The following CNIH3 variants were observed in gnomAD, a reference collection of about 807,000 sequenced individuals.
CNIH3 encodes the protein protein cornichon homolog 3.
Under a neutral mutation model 24.1 loss-of-function variants are expected in CNIH3, and 14 were observed. The ratio of observed to expected loss-of-function variants is 0.58; its 90% CI spans 0.38 to 0.91. The LOEUF (loss-of-function observed/expected upper bound fraction) is 0.91, where lower values mean the gene tolerates loss of function less well. Ranked by LOEUF, CNIH3 falls within the 40% of genes least tolerant of loss-of-function variation. The pLI is 0.00. For missense variants in CNIH3, 178 were observed against 196.8 expected, an observed-to-expected ratio of 0.90 and a Z score of 0.57; for synonymous variants, 68 against 73.8, an observed-to-expected ratio of 0.92 and a Z score of 0.40.
intron 1 of CNIH3, among the ~76,000 whole-genome samples, chr1:224,627,070 G>A (rs977324193): frequency 9.2e-5 from 14 of 152,182 alleles, no homozygotes; most frequent in Non-Finnish European, 1.5e-4. Flanking sequence ...GGCTCTTGGT[G>A]TCCAATATAT....
chr1:224,472,158 T>C (rs1676400078), intron 1 of CNIH3, among the ~76,000 whole-genome samples: 1 of 152,228 alleles, frequency 6.6e-6, no homozygotes, highest in Non-Finnish European at 1.5e-5. Flanking sequence ...TTGTTCTTCA[T>C]AGTGGTTGTA....
chr1:224,464,969 G>T (rs1245436563), intron 1 of CNIH3, among the ~76,000 whole-genome samples: 1 of 151,474 alleles, frequency 6.6e-6, no homozygotes, highest in Non-Finnish European at 1.5e-5. Context: ...TTAATTTTTT[G>T]ATTTTTTGTA....
At chr1:224,515,980 A>G (rs1321606220) in intron 1 of CNIH3, 3 of 152,120 alleles carry the variant, frequency 2.0e-5, no homozygotes, top group African/African-American at 4.8e-5. Context: ...TTCTTCTTGT[A>G]CCCTCTGGAT....
At chr1:224,578,690 A>T (rs973408316) in intron 4 of CNIH3, among the ~76,000 whole-genome samples, 1 of 152,054 alleles carries the variant, frequency 6.6e-6, no homozygotes, top group Non-Finnish European at 1.5e-5. Context: ...TTACAGTTTG[A>T]CTCTACAAAA....
chr1:224,573,373 G>A (rs1363562279), intron 4 of CNIH3, among the ~76,000 whole-genome samples: 2 of 152,080 alleles, frequency 1.3e-5, no homozygotes, highest in African/African-American at 2.4e-5. Context: ...CCTTTTTTTG[G>A]AGATGTATGA....
intron 1 of CNIH3, chr1:224,661,261 C>G: frequency 3.3e-6 from 1 of 305,952 alleles, no homozygotes. Flanking sequence ...TCTTTCTTGA[C>G]CATTCTTGAC....
At chr1:224,714,743 C>T (rs1171546004) in intron 3 of CNIH3, among the ~76,000 whole-genome samples, 2 of 152,172 alleles carry the variant, frequency 1.3e-5, no homozygotes, top group African/African-American at 4.8e-5. Flanking sequence ...TCCGTTCATC[C>T]ACCAGTTGAT....
intron 3 of CNIH3, among the ~76,000 whole-genome samples, chr1:224,720,493 T>C (rs5010415): frequency 0.68 from 102,458 of 151,244 alleles, 35,286 homozygotes; most frequent in East Asian, 0.96. Context: ...GAACCCTCTT[T>C]GTTAAGCAGA....
At chr1:224,736,912 T>C (rs1411982594) in intron 5 of CNIH3, among the ~76,000 whole-genome samples, 5 of 152,198 alleles carry the variant, frequency 3.3e-5, no homozygotes, top group Non-Finnish European at 7.3e-5. Flanking sequence ...GTTAGGTTTT[T>C]TCCCTGCAGT....
intron 3 of CNIH3, among the ~76,000 whole-genome samples, chr1:224,610,194 T>A (rs1682619767): frequency 6.6e-6 from 1 of 152,226 alleles, no homozygotes; most frequent in African/African-American, 2.4e-5. Flanking sequence ...GTGTGATAGG[T>A]TCGATGTATT....
At position 224,497,902 on chromosome 1, in the gene CNIH3, T is replaced by A. The variant is rs140266176; in HGVS notation, n.204-17839T>A. 9.2e-5 allele frequency among the ~76,000 whole-genome samples: 14 copies of A among 152,318 alleles called. No homozygotes were observed. The East Asian group carries it at 2.5e-3, about 27-fold the overall frequency. On this transcript the variant is annotated intron_variant and non_coding_transcript_variant, in intron 1 of 5. Coordinates refer to the CNIH3 transcript ENST00000471578. ...GGGTTATAATTCAGCATCTCTTCCATCTGCATGTCTCAAGTGATTAGTATT... is the reference window on the plus strand; with the variant it reads ...GGGTTATAATTCAGCATCTCTTCCAACTGCATGTCTCAAGTGATTAGTATT...
chr1:224,446,524 G>A (rs115778841), intron 1 of CNIH3, among the ~76,000 whole-genome samples: 5 of 152,110 alleles, frequency 3.3e-5, no homozygotes, highest in African/African-American at 9.6e-5. Context: ...TGATGCTAAC[G>A]TAAATGGTAT....
At chr1:224,558,669 C>T (rs1157871475) in intron 3 of CNIH3, among the ~76,000 whole-genome samples, 1 of 152,148 alleles carries the variant, frequency 6.6e-6, no homozygotes, top group East Asian at 1.9e-4. Flanking sequence ...GGAAAAAGTC[C>T]CCACCCCTTG....
upstream of CNIH3, among the ~76,000 whole-genome samples, chr1:224,515,310 T>C (rs1163762203): frequency 2.0e-5 from 3 of 152,218 alleles, no homozygotes; most frequent in Admixed American, 1.3e-4. Flanking sequence ...CAATATATTA[T>C]GCTCATTGTA....
intron 4 of CNIH3, among the ~76,000 whole-genome samples, chr1:224,573,146 T>G (rs1454414398): frequency 6.6e-6 from 1 of 152,208 alleles, no homozygotes; most frequent in Non-Finnish European, 1.5e-5. Context: ...GTAACTTGAG[T>G]CTTTTCTCTC....
intron 4 of CNIH3, among the ~76,000 whole-genome samples, chr1:224,732,755 G>T (rs1300542699): frequency 6.6e-6 from 1 of 152,192 alleles, no homozygotes; most frequent in Non-Finnish European, 1.5e-5. Context: ...ACTGCTTCGT[G>T]GGGCTAGCGC....
intron 3 of CNIH3, among the ~76,000 whole-genome samples, chr1:224,689,630 A>T (rs1265386449): frequency 2.6e-5 from 4 of 152,170 alleles, no homozygotes; most frequent in African/African-American, 9.7e-5. Flanking sequence ...CCTTCTGGGA[A>T]CTGCACCTTC....
At chr1:224,542,716 G>T (rs1205886639) in intron 2 of CNIH3, among the ~76,000 whole-genome samples, 1 of 152,164 alleles carries the variant, frequency 6.6e-6, no homozygotes, top group African/African-American at 2.4e-5. Context: ...GACAGCCAAG[G>T]TGTCTTCCTA....
chr1:224,471,042 TTTTGTTTGTTTG>T (rs200750410), intron 1 of CNIH3, among the ~76,000 whole-genome samples: 2 of 152,060 alleles, frequency 1.3e-5, no homozygotes, highest in African/African-American at 2.4e-5. Flanking sequence ...ATACTAGGTT[TTTTGTTTGTTTG>T]TTTGTTTGTT....
Sources: gnomAD v4.1 joint callset for allele counts (sites outside exome capture counted in the v4.1 genomes callset) on GRCh38, gnomAD v4.1.1 for gene constraint, MANE v1.5 for transcripts, NCBI Gene and HGNC (gene_info 2026-07-23, HGNC 2026-07-21) for gene names.